PCBP3: variants seen among roughly 807,000 people sequenced by gnomAD.
The protein encoded by PCBP3 is poly(rC)-binding protein 3.
Under a neutral mutation model 52.7 loss-of-function variants are expected in PCBP3, and 25 were observed. The observed-to-expected ratio is 0.47, with a 90% CI of 0.35 to 0.66. The LOEUF (loss-of-function observed/expected upper bound fraction) is 0.66, where lower values mean the gene tolerates loss of function less well. Ranked by LOEUF, PCBP3 falls within the 30% of genes least tolerant of loss-of-function variation. The probability of loss-of-function intolerance (pLI) is 0.01; values close to 1 mark genes in which losing one functional copy is unlikely to be tolerated. For missense variants in PCBP3, 391 were observed against 490.3 expected (o/e 0.80, Z 1.91); for synonymous variants, 162 against 183.0 (o/e 0.89, Z 0.93).
chr21:45,890,699 A>C (rs1007575088), intron 5 of PCBP3, among the ~76,000 whole-genome samples: 1 of 150,720 alleles, frequency 6.6e-6, no homozygotes, highest in African/African-American at 2.4e-5. Context: ...AATATAGATA[A>C]TAGAACCTGG....
At chr21:45,876,525 G>A (rs574658181) in intron 5 of PCBP3, among the ~76,000 whole-genome samples, 9 of 152,282 alleles carry the variant, frequency 5.9e-5, no homozygotes, top group South Asian at 4.1e-4. Context: ...CAGAATGCTC[G>A]CCGAGGCCAG....
chr21:45,725,964 G>A (rs746957767), intron 2 of PCBP3, among the ~76,000 whole-genome samples: 3 of 152,180 alleles, frequency 2.0e-5, no homozygotes, highest in Non-Finnish European at 4.4e-5. Flanking sequence ...CCTCAGGGCA[G>A]TGGACAGCAT....
At chr21:45,873,781 T>C (rs1231566511) in intron 5 of PCBP3, among the ~76,000 whole-genome samples, 2 of 152,202 alleles carry the variant, frequency 1.3e-5, no homozygotes, top group African/African-American at 2.4e-5. Flanking sequence ...TTTGTTGTTG[T>C]TGTCGTTGGG....
chr21:45,913,794 A>C (rs1169966806), intron 11 of PCBP3, among the ~76,000 whole-genome samples, 157 bp from the exon 12 acceptor site: 3 of 146,616 alleles, frequency 2.0e-5, no homozygotes, highest in Admixed American at 6.9e-5. Context: ...GGAGGTCTTC[A>C]CTCCCCTCCC....
intron 4 of PCBP3, among the ~76,000 whole-genome samples, chr21:45,764,540 C>T (rs74855594): frequency 1.3e-5 from 2 of 152,304 alleles, no homozygotes; most frequent in East Asian, 1.9e-4. Flanking sequence ...TGACCACTTC[C>T]GTTAACCCTG....
chr21:45,773,615 G>T (rs575709101), intron 4 of PCBP3, among the ~76,000 whole-genome samples: 28 of 152,230 alleles, frequency 1.8e-4, no homozygotes, highest in African/African-American at 6.3e-4. Context: ...TTTTATATAA[G>T]TGCCATACTG....
At chr21:45,934,088 C>T (rs916000205) in intron 15 of PCBP3, among the ~76,000 whole-genome samples, 3 of 152,096 alleles carry the variant, frequency 2.0e-5, no homozygotes, top group Non-Finnish European at 4.4e-5. Context: ...GAGGCAGGAA[C>T]CAGCAAGAGG....
chr21:45,840,754 G>T (rs1044600286), intron 4 of PCBP3, among the ~76,000 whole-genome samples: 1 of 152,076 alleles, frequency 6.6e-6, no homozygotes, highest in African/African-American at 2.4e-5. Flanking sequence ...TTCCTGAATA[G>T]CTGGCATGTG....
At chr21:45,715,225 G>T (rs1398875449) in intron 2 of PCBP3, among the ~76,000 whole-genome samples, 1 of 152,106 alleles carries the variant, frequency 6.6e-6, no homozygotes, top group African/African-American at 2.4e-5. Flanking sequence ...CTATACAGAG[G>T]GGTATCAGTG....
At chr21:45,696,463 A>C (rs2082781116) in intron 2 of PCBP3, among the ~76,000 whole-genome samples, 1 of 151,976 alleles carries the variant, frequency 6.6e-6, no homozygotes, top group South Asian at 2.1e-4. Flanking sequence ...TGTCTCCAGA[A>C]TGTATGAAAA....
intron 4 of PCBP3, among the ~76,000 whole-genome samples, chr21:45,756,250 G>A (rs1251860211): frequency 6.6e-6 from 1 of 152,142 alleles, no homozygotes; most frequent in African/African-American, 2.4e-5. Flanking sequence ...GATCTGTGCT[G>A]GCATCTGTCT....
intron 2 of PCBP3, among the ~76,000 whole-genome samples, chr21:45,726,766 C>T (rs1373535140): frequency 1.3e-5 from 2 of 152,190 alleles, no homozygotes; most frequent in African/African-American, 2.4e-5. Context: ...GGAAAGCATG[C>T]GTTCTGCTTT....
intron 5 of PCBP3, among the ~76,000 whole-genome samples, chr21:45,868,931 G>A (rs2094880730): frequency 6.6e-6 from 1 of 152,202 alleles, no homozygotes; most frequent in Non-Finnish European, 1.5e-5. Flanking sequence ...CAAAGCTCAC[G>A]AGACTCACTT....
intron 2 of PCBP3, among the ~76,000 whole-genome samples, chr21:45,708,666 G>A (rs548420168): frequency 1.3e-5 from 2 of 152,330 alleles, no homozygotes; most frequent in East Asian, 3.9e-4. Context: ...GCAGGGGTGG[G>A]AGTTAATACA....
At chr21:45,673,287 A>G (rs1398088929) in intron 2 of PCBP3, among the ~76,000 whole-genome samples, 4 of 152,134 alleles carry the variant, frequency 2.6e-5, no homozygotes, top group Admixed American at 2.6e-4. Context: ...GAAGCTGTAC[A>G]TTTGTGGCAG....
At chr21:45,750,231 C>T (rs1225404520) in intron 3 of PCBP3, 2 of 152,330 alleles carry the variant, frequency 1.3e-5, no homozygotes. Context: ...ACTAATAAAC[C>T]ATCTGCAAGA....
intron 1 of PCBP3, among the ~76,000 whole-genome samples, chr21:45,657,906 T>C (rs1449370682): frequency 3.3e-5 from 5 of 152,224 alleles, no homozygotes; most frequent in Non-Finnish European, 7.3e-5. Flanking sequence ...TTTTAAAATT[T>C]TTCTCATGTA....
rs143839896 is a variant in PCBP3 at position 45,904,114 on chromosome 21, C to T, written c.339+3001C>T. ...TTGGGAAGATGTCATGGGAAGCAGC[C>T]GTAACCTACGCTATTACGTAGGTTA... is the stretch of plus-strand genomic sequence containing the variant. On this transcript the variant is annotated intron_variant, in intron 9 of 17. Coordinates refer to ENST00000681687, the MANE Select transcript of PCBP3 (RefSeq NM_001384156.1). This position sits in a 1 kb window ranked among gnomAD's most constrained non-coding sequence, Gnocchi z 4.8. Among the ~76,000 whole-genome samples the T allele has an allele frequency of 2.6e-5, 4 of 152,222 alleles. No homozygotes were observed. Among genetic ancestry groups the T allele is most frequent in the East Asian group, 1.9e-4 (1 of 5,182 alleles).
chr21:45,889,983 C>G (rs1348949883), intron 5 of PCBP3, among the ~76,000 whole-genome samples: 1 of 152,272 alleles, frequency 6.6e-6, no homozygotes, highest in African/African-American at 2.4e-5. Context: ...GCCAATGACC[C>G]CATTCCTCCA....
Sources: gnomAD v4.1 joint callset for allele counts (sites outside exome capture counted in the v4.1 genomes callset) on GRCh38, gnomAD v4.1.1 for gene constraint, Gnocchi (gnomAD v3.1) non-coding constraint, MANE v1.5 for transcripts, NCBI Gene and HGNC (gene_info 2026-07-23, HGNC 2026-07-21) for gene names.